Variants in SLC9A9 observed in about 807,000 individuals in gnomAD.
SLC9A9 encodes sodium/hydrogen exchanger 9.
In SLC9A9, 62 loss-of-function variants were observed where a neutral mutation model predicts 77.8. The ratio of observed to expected loss-of-function variants is 0.80; its 90% CI spans 0.65 to 0.98. The LOEUF (loss-of-function observed/expected upper bound fraction) is 0.98. Ranked by LOEUF, SLC9A9 falls within the 50% of genes least tolerant of loss-of-function variation. SLC9A9 has a pLI of 0.00. For synonymous variants in SLC9A9, 320 were observed against 283.5 expected, an observed-to-expected ratio of 1.13 and a Z score of -1.29; for missense variants, 775 against 774.9, an observed-to-expected ratio of 1.00 and a Z score of 0.00.
chr3:143,355,170 T>G (rs1342785809), intron 14 of SLC9A9, among the ~76,000 whole-genome samples: 1 of 152,226 alleles, frequency 6.6e-6, no homozygotes, highest in Non-Finnish European at 1.5e-5. Context: ...ATAGCCCAAG[T>G]GAAACCTTTC....
chr3:143,382,997 C>T (rs920377857), intron 12 of SLC9A9, among the ~76,000 whole-genome samples: 4 of 152,182 alleles, frequency 2.6e-5, no homozygotes, highest in Admixed American at 6.5e-5. Flanking sequence ...AGGGTAATGC[C>T]CTGCAAATGC....
intron 12 of SLC9A9, among the ~76,000 whole-genome samples, chr3:143,422,074 GACAA>G (rs1347327932): frequency 3.3e-5 from 5 of 152,000 alleles, no homozygotes; most frequent in South Asian, 2.1e-4. Context: ...TGATTAAAAA[GACAA>G]ACAAAAACAA....
intron 9 of SLC9A9, among the ~76,000 whole-genome samples, chr3:143,531,791 C>A (rs919161884): frequency 1.3e-5 from 2 of 152,156 alleles, no homozygotes; most frequent in South Asian, 2.1e-4. Context: ...AATAAACTTA[C>A]GTGTAGGGAC....
Position 143,482,549 on chromosome 3 carries a change from C to T in SLC9A9, c.1315+11104G>A, listed in dbSNP as rs1169180727. Among the ~76,000 whole-genome samples the T allele has an allele frequency of 2.6e-5, 4 of 152,144 alleles. No individual in the cohort carries two copies. The South Asian group carries it at 8.3e-4, about 32-fold the overall frequency. ...CCTTCCCAGGTGCTTTCCTAAACTC[C>T]CTCCTTGTTAGACAAGCTCAGCAGC... is the stretch of plus-strand genomic sequence containing the variant. On this transcript the variant is annotated intron_variant, in intron 11 of 15. Coordinates refer to ENST00000316549, the MANE Select transcript of SLC9A9 (RefSeq NM_173653.4).
At chr3:143,604,267 T>C (rs1485387032) in intron 6 of SLC9A9, among the ~76,000 whole-genome samples, 2 of 152,206 alleles carry the variant, frequency 1.3e-5, no homozygotes, top group Non-Finnish European at 2.9e-5. Flanking sequence ...AGTAATTAAT[T>C]CAAGGTACTG....
chr3:143,505,599 T>C (rs2036000790), intron 9 of SLC9A9, among the ~76,000 whole-genome samples: 1 of 152,200 alleles, frequency 6.6e-6, no homozygotes, highest in South Asian at 2.1e-4. Flanking sequence ...TGGGGTTCCC[T>C]ATGCACTCCT....
intron 14 of SLC9A9, among the ~76,000 whole-genome samples, chr3:143,310,790 T>G (rs2030990284): frequency 6.6e-6 from 1 of 152,230 alleles, no homozygotes; most frequent in Non-Finnish European, 1.5e-5. Context: ...CCCATGCTCA[T>G]GAGATTATAT....
intron 4 of SLC9A9, among the ~76,000 whole-genome samples, chr3:143,769,440 T>C (rs1343447820): frequency 2.0e-5 from 3 of 152,158 alleles, no homozygotes; most frequent in Non-Finnish European, 2.9e-5. Context: ...ACCAGTCCAG[T>C]CTATTTAATG....
intron 11 of SLC9A9, among the ~76,000 whole-genome samples, chr3:143,492,409 T>G (rs2108589800): frequency 6.6e-6 from 1 of 152,244 alleles, no homozygotes; most frequent in East Asian, 1.9e-4. Flanking sequence ...AGGCCTTCAG[T>G]AGGGCAAATT....
chr3:143,569,821 T>C (rs2037229529), intron 8 of SLC9A9, among the ~76,000 whole-genome samples: 1 of 150,882 alleles, frequency 6.6e-6, no homozygotes, highest in Non-Finnish European at 1.5e-5. Context: ...TTTCTTTTTT[T>C]TTTTTTTTTG....
chr3:143,365,531 C>A (rs145807249), intron 13 of SLC9A9, among the ~76,000 whole-genome samples: 286 of 152,330 alleles, frequency 1.9e-3, no homozygotes, highest in African/African-American at 6.5e-3. Context: ...CCATGGAATT[C>A]ATTCCCATTC....
chr3:143,400,574 T>G lies in SLC9A9; in HGVS notation c.1470-18460A>C, dbSNP rs575012018. On this transcript the variant is annotated intron_variant, in intron 12 of 15. Transcript: ENST00000316549. ...TGGGTGAGGGATAAAGACTCCAAAT[T>G]GGGTCCAGTGTATACTACTCGGGTG... Among the ~76,000 whole-genome samples, 17 of 152,028 alleles carry G rather than the reference T, an allele frequency of 1.1e-4. 1 individual carries two copies. The South Asian group carries it at 3.5e-3, about 32-fold the overall frequency.
At chr3:143,269,386 A>G (rs1013437073) in intron 14 of SLC9A9, among the ~76,000 whole-genome samples, 6 of 152,242 alleles carry the variant, frequency 3.9e-5, no homozygotes, top group African/African-American at 1.2e-4. Context: ...TGCAAGAGGT[A>G]TTTTATAAAA....
At position 143,685,858 on chromosome 3, in the gene SLC9A9, A is replaced by G. The variant is rs190939826; in HGVS notation, c.649+7334T>C. ...AACCATAGCTTGAAATGCTCTGGAA[A>G]ATGTTCAGCCACTGACCACCAGATA... is the stretch of plus-strand genomic sequence containing the variant. On this transcript the variant is annotated intron_variant, in intron 5 of 15. Transcript: ENST00000316549. Among the ~76,000 whole-genome samples the G allele has an allele frequency of 4.5e-4, 68 of 152,318 alleles. 1 individual carries two copies. The highest frequency in any genetic ancestry group is 3.4e-3 in the Middle Eastern group (1 of 294).
intron 12 of SLC9A9, among the ~76,000 whole-genome samples, chr3:143,391,144 A>C (rs1003736680): frequency 6.6e-6 from 1 of 152,230 alleles, no homozygotes; most frequent in Non-Finnish European, 1.5e-5. Context: ...GAACAGACAG[A>C]TATGCCTCCT....
At chr3:143,492,639 C>A (rs1576533542) in intron 11 of SLC9A9, among the ~76,000 whole-genome samples, 2 of 152,192 alleles carry the variant, frequency 1.3e-5, no homozygotes, top group Non-Finnish European at 2.9e-5. Context: ...AGTTTCATAA[C>A]CTTTTTGAGA....
intron 4 of SLC9A9, among the ~76,000 whole-genome samples, chr3:143,702,451 C>T (rs1933830257): frequency 6.6e-6 from 1 of 151,888 alleles, no homozygotes; most frequent in Non-Finnish European, 1.5e-5. Context: ...TTTTTATAGG[C>T]TCTCTTTGCT....
chr3:143,795,910 G>A (rs1306593194), intron 3 of SLC9A9, among the ~76,000 whole-genome samples: 1 of 152,074 alleles, frequency 6.6e-6, no homozygotes, highest in Non-Finnish European at 1.5e-5. Flanking sequence ...TTTTGAGTGG[G>A]ATCTGAGGAG....
At chr3:143,605,192 A>G (rs1384889989) in intron 6 of SLC9A9, among the ~76,000 whole-genome samples, 1 of 152,194 alleles carries the variant, frequency 6.6e-6, no homozygotes. Flanking sequence ...TCCTGATCTC[A>G]GTGTATTAAA....
Sources: allele counts gnomAD v4.1 joint callset (sites outside exome capture counted in the v4.1 genomes callset), GRCh38; gene constraint gnomAD v4.1.1; transcripts MANE v1.5; gene names NCBI Gene and HGNC (gene_info 2026-07-23, HGNC 2026-07-21).